Variants in ADAP2 observed in about 807,000 individuals in gnomAD.
ADAP2 encodes the protein arf-GAP with dual PH domain-containing protein 2.
In ADAP2, 42 loss-of-function variants were observed where a neutral mutation model predicts 54.9. The observed-to-expected ratio is 0.77, with a 90% CI of 0.60 to 0.99. ADAP2 has a LOEUF of 0.99. Among genes scored for constraint, ADAP2 ranks in the 50% least tolerant of loss-of-function variants. The pLI is 0.00. For missense variants in ADAP2, 429 were observed against 480.4 expected (o/e 0.89, Z 1.00); for synonymous variants, 177 against 180.1 (o/e 0.98, Z 0.14).
At position 30,958,031 on chromosome 17, in the gene ADAP2, C is replaced by A. The variant is rs1021204515; in HGVS notation, c.*162C>A. On this transcript the variant is annotated 3_prime_UTR_variant, in exon 11 of 11. Transcript: ENST00000330889. Reference sequence around the variant, plus strand: ...GAAGCTGTGGCTTTATCCATCAGCTCCCTGGGCCTTCCCCGCAACCCACCT... The same window carrying A: ...GAAGCTGTGGCTTTATCCATCAGCTACCTGGGCCTTCCCCGCAACCCACCT... 19 of 696,612 alleles carry A rather than the reference C, an allele frequency of 2.7e-5. No individual in the cohort carries two copies. Among genetic ancestry groups the A allele is most frequent in the Admixed American group, 7.0e-5 (3 of 42,694 alleles). 43.2% of individuals were successfully genotyped at this position (696,612 alleles called of 1,614,324 possible). A position where few individuals can be genotyped will look rare whatever the true frequency, so the allele number is the denominator to read the frequency against.
At chr17:30,926,301 G>A (rs756649952) in intron 2 of ADAP2, among the ~76,000 whole-genome samples, 4 of 152,148 alleles carry the variant, frequency 2.6e-5, no homozygotes, top group Non-Finnish European at 4.4e-5. Flanking sequence ...TGGGTCTCTT[G>A]GGTGCCAAAG....
Position 30,922,127 on chromosome 17 carries a change from G to T in ADAP2, c.94+19G>T. The T allele has an allele frequency of 3.2e-6, 4 of 1,231,496 alleles. No individual in the cohort carries two copies. Among genetic ancestry groups the T allele is most frequent in the Non-Finnish European group, 4.1e-6 (4 of 987,332 alleles). The allele number at this position is 1,231,496 out of a possible 1,614,324, so 76.3% of individuals were successfully genotyped here. On this transcript the variant is annotated intron_variant, in intron 1 of 10. Coordinates refer to ENST00000330889, the MANE Select transcript of ADAP2 (RefSeq NM_018404.3). ...GCGGCAGGTAAGGGCGCGGCGGCGC[G>T]GGCAGCGCGAGACCCCCGGCCGGAC...
At position 30,959,134 on chromosome 17, in the gene ADAP2, G is replaced by A. The variant is rs1905276446; in HGVS notation, c.*1265G>A. 1.3e-5 allele frequency: 2 copies of A among 152,156 alleles called. No individual in the cohort carries two copies. Among genetic ancestry groups the A allele is most frequent in the Admixed American group, 1.3e-4 (2 of 15,262 alleles). The allele number at this position is 152,156 out of a possible 1,614,324, so 9.4% of individuals were successfully genotyped here. On this transcript the variant is annotated 3_prime_UTR_variant, in exon 11 of 11. Transcript: ENST00000330889. ...CTTTGACCACCTGTGAACTCTGTTG[G>A]GTGTACTCTGCTAAGTTCTGGGGAT... is the stretch of plus-strand genomic sequence containing the variant.
chr17:30,949,748 CAAAAAAA>C (rs34131343), intron 7 of ADAP2, among the ~76,000 whole-genome samples: 3 of 62,002 alleles, frequency 4.8e-5, no homozygotes, highest in South Asian at 5.8e-4. Flanking sequence ...GACTCCGTCT[CAAAAAAA>C]AAAAAAAAAA....
intron 7 of ADAP2, among the ~76,000 whole-genome samples, chr17:30,950,495 G>A (rs1479804897): frequency 6.6e-6 from 1 of 152,138 alleles, no homozygotes; most frequent in Non-Finnish European, 1.5e-5. Flanking sequence ...CATCTTCAGG[G>A]TCCCTTCCGC....
chr17:30,945,001 A>G lies in ADAP2; in HGVS notation c.605A>G (p.Tyr202Cys), dbSNP rs1214775945. ...IGHPHGLQIT[Y>C]RRDGHTRNLF... Reference sequence around the variant, plus strand: ...CACCCCCATGGGCTGCAGATCACCTACAGGAGAGATGGCCACACCAGGAAC... The same window carrying G: ...CACCCCCATGGGCTGCAGATCACCTGCAGGAGAGATGGCCACACCAGGAAC... The change falls in exon 6 of 11, where the codon TAC becomes TGC. Residue 202 changes from tyrosine to cysteine, a missense_variant. By Grantham distance (194) the Tyr-to-Cys change is radical (BLOSUM62 -2). Transcript: ENST00000330889. 1.9e-6 allele frequency: 3 copies of G among 1,614,036 alleles called. No individual in the cohort carries two copies. The highest frequency in any genetic ancestry group is 2.2e-5 in the East Asian group (1 of 44,884).
intron 2 of ADAP2, among the ~76,000 whole-genome samples, chr17:30,925,183 ATTTTTTT>A (rs57259969): frequency 1.0e-5 from 1 of 98,142 alleles, no homozygotes; most frequent in Non-Finnish European, 2.0e-5. Flanking sequence ...CGTGCCCAGC[ATTTTTTT>A]TTTTTTTTTT....
At chr17:30,942,372 A>G (rs921864967) in intron 5 of ADAP2, among the ~76,000 whole-genome samples, 5 of 152,192 alleles carry the variant, frequency 3.3e-5, no homozygotes, top group African/African-American at 9.6e-5. Context: ...GAACTATTCT[A>G]TTTCATTGAT....
At chr17:30,923,096 C>A in intron 2 of ADAP2, 26 bp downstream of exon 2, 3 of 1,612,018 alleles carry the variant, frequency 1.9e-6, no homozygotes, top group Non-Finnish European at 2.5e-6. Context: ...CGTGGAGAGC[C>A]ATGGAACTGC....
intron 5 of ADAP2, among the ~76,000 whole-genome samples, chr17:30,944,279 A>T (rs886212874): frequency 6.6e-6 from 1 of 152,174 alleles, no homozygotes; most frequent in Non-Finnish European, 1.5e-5. Context: ...TAACAAAGGA[A>T]CAGAAAACCA....
At chr17:30,937,563 G>A (rs1911979999) in intron 5 of ADAP2, among the ~76,000 whole-genome samples, 1 of 152,188 alleles carries the variant, frequency 6.6e-6, no homozygotes, top group African/African-American at 2.4e-5. Context: ...CTGCTGCTAG[G>A]GTGAGTAGGG....
At chr17:30,928,744 G>T (rs1253902646) in intron 3 of ADAP2, among the ~76,000 whole-genome samples, 1 of 152,122 alleles carries the variant, frequency 6.6e-6, no homozygotes, top group Non-Finnish European at 1.5e-5. Flanking sequence ...CAGCAGGAGG[G>T]TTCAGGTCCC....
chr17:30,945,047 T>C lies in ADAP2; in HGVS notation c.651T>C (p.Ser217=). The C allele has an allele frequency of 1.2e-6, 2 of 1,613,608 alleles. No homozygotes were observed. Among genetic ancestry groups the C allele is most frequent in the Non-Finnish European group, 8.5e-7 (1 of 1,179,854 alleles). The change falls in exon 6 of 11, where the codon AGT becomes AGC. Residue 217 remains serine, a synonymous_variant. Transcript: ENST00000330889. ...HTRNLFVYHE[S]GKEIVDWFNA... ...GGAACCTGTTTGTGTATCATGAAAG[T>C]GGGAAGGTGAGATGCCTGGAGTTGC...
intron 7 of ADAP2, 143 bp downstream of exon 7, chr17:30,949,513 C>G: frequency 1.5e-6 from 1 of 662,426 alleles, no homozygotes; most frequent in Non-Finnish European, 2.7e-6. Flanking sequence ...CTTTGGGAGG[C>G]TGAGGCGGGC....
At chr17:30,944,693 T>A (rs569611675) in intron 5 of ADAP2, among the ~76,000 whole-genome samples, 48 of 152,136 alleles carry the variant, frequency 3.2e-4, no homozygotes, top group African/African-American at 1.1e-3. Flanking sequence ...CTCCTGACCA[T>A]AGGTGATCCA....
chr17:30,931,389 G>A (rs1411341644), intron 3 of ADAP2, among the ~76,000 whole-genome samples: 3 of 152,170 alleles, frequency 2.0e-5, no homozygotes, highest in African/African-American at 4.8e-5. Flanking sequence ...AACATTCTGT[G>A]GAGCATGGGA....
intron 3 of ADAP2, among the ~76,000 whole-genome samples, chr17:30,930,439 A>C (rs1322481909): frequency 6.6e-6 from 1 of 152,154 alleles, no homozygotes; most frequent in African/African-American, 2.4e-5. Flanking sequence ...GACTACCTGA[A>C]GGACAGTGGT....
rs1461422494 is a variant in ADAP2 at position 30,949,767 on chromosome 17, A to AG, written c.741+397_741+398insG. On this transcript the variant is annotated intron_variant, in intron 7 of 10. Coordinates refer to ENST00000330889, the MANE Select transcript of ADAP2 (RefSeq NM_018404.3). ...CCGTCTCAAAAAAAAAAAAAAAAAA[A>AG]AAGAAGAAGAAGCCAGACTAGTTTT... Among the ~76,000 whole-genome samples the AG allele has an allele frequency of 4.2e-3, 634 of 149,940 alleles. 6 individuals carry two copies. Among genetic ancestry groups the AG allele is most frequent in the African/African-American group, 0.013 (512 of 39,904 alleles).
At chr17:30,925,137 G>T (rs1910935380) in intron 2 of ADAP2, among the ~76,000 whole-genome samples, 1 of 150,774 alleles carries the variant, frequency 6.6e-6, no homozygotes, top group Admixed American at 6.6e-5. Context: ...ACCCGCCTCG[G>T]CCTCCCAAAG....
Sources: allele counts gnomAD v4.1 joint callset (sites outside exome capture counted in the v4.1 genomes callset), GRCh38; gene constraint gnomAD v4.1.1; transcripts MANE v1.5; gene names NCBI Gene and HGNC (gene_info 2026-07-23, HGNC 2026-07-21).